Variants in ATP11B observed in about 807,000 individuals in gnomAD.
ATP11B encodes ATPase phospholipid transporting 11B (putative), also known as phospholipid-transporting ATPase IF.
A neutral mutation model predicts 157.8 loss-of-function variants in ATP11B; 81 were observed. The observed-to-expected ratio is 0.51, with a 90% CI of 0.43 to 0.62. The LOEUF is 0.62. ATP11B is among the 20% of genes least tolerant of loss of function. The pLI is 0.00. For missense variants in ATP11B, 1,165 were observed against 1,402.2 expected, an observed-to-expected ratio of 0.83 and a Z score of 2.70; for synonymous variants, 451 against 469.4, an observed-to-expected ratio of 0.96 and a Z score of 0.51.
chr3:182,905,101 T>C (rs1311022756), intron 28 of ATP11B, among the ~76,000 whole-genome samples: 2 of 152,160 alleles, frequency 1.3e-5, no homozygotes, highest in African/African-American at 4.8e-5. Flanking sequence ...GCATTGCATC[T>C]TTCATAGAAA....
At chr3:182,844,531 A>G (rs1719313954) in intron 8 of ATP11B, 2 of 981,604 alleles carry the variant, frequency 2.0e-6, no homozygotes, top group South Asian at 4.7e-5. Context: ...TTGTCGTTTT[A>G]TATCTCCTTT....
At chr3:182,813,246 C>T (rs1267380549) in intron 1 of ATP11B, among the ~76,000 whole-genome samples, 1 of 152,142 alleles carries the variant, frequency 6.6e-6, no homozygotes, top group Non-Finnish European at 1.5e-5. Context: ...AGTAGAATTG[C>T]TGGATCTTAT....
chr3:182,836,136 C>T lies in ATP11B; in HGVS notation c.417C>T (p.Asn139=). The T allele has an allele frequency of 2.5e-6, 4 of 1,612,168 alleles. No homozygotes were observed. Among genetic ancestry groups the T allele is most frequent in the Non-Finnish European group, 3.4e-6 (4 of 1,178,792 alleles). Reference sequence around the variant, plus strand: ...GCCTTGTAAAAACTAGATCAAAAAACATTCGGGTATGCATCTGGTAAATAA... The same window carrying T: ...GCCTTGTAAAAACTAGATCAAAAAATATTCGGGTATGCATCTGGTAAATAA... The part of the protein sequence containing the change: ...SGGLVKTRSK[N]IRVGDIVRIA... The change falls in exon 5 of 30, where the codon AAC becomes AAT. Residue 139 remains asparagine (N), a synonymous_variant. Transcript: ENST00000323116.
rs1725295928 is a variant in ATP11B, at chr3:182,918,855, G to A, written c.*751G>A. The A allele has an allele frequency of 6.5e-6, 1 of 152,714 alleles. No homozygotes were observed. Among genetic ancestry groups the A allele is most frequent in the Non-Finnish European group, 1.5e-5 (1 of 68,452 alleles). The allele number at this position is 152,714 out of a possible 1,614,324, so 9.5% of individuals were successfully genotyped here. A position where few individuals can be genotyped will look rare whatever the true frequency, so the allele number is the denominator to read the frequency against. ...GATGTTTACTAATATTTTTGTGACA[G>A]AGTATAAAGACCCTATAGTGGGTAA... On this transcript the variant is annotated 3_prime_UTR_variant, in exon 30 of 30. Coordinates refer to ENST00000323116, the MANE Select transcript of ATP11B (RefSeq NM_014616.3).
chr3:182,838,146 A>G (rs1047159947), intron 7 of ATP11B, among the ~76,000 whole-genome samples: 1 of 152,010 alleles, frequency 6.6e-6, no homozygotes, highest in Non-Finnish European at 1.5e-5. Context: ...ATGTGATGTT[A>G]TAAAAATTGT....
intron 19 of ATP11B, among the ~76,000 whole-genome samples, chr3:182,875,739 C>G (rs1051843720): frequency 2.6e-5 from 4 of 152,146 alleles, no homozygotes; most frequent in African/African-American, 9.7e-5. Flanking sequence ...CCGCACCCGG[C>G]CCATATAGGG....
intron 19 of ATP11B, 66 bp from the exon 20 acceptor site, chr3:182,879,430 C>CTA (rs1043354716): frequency 1.9e-5 from 26 of 1,378,854 alleles, no homozygotes; most frequent in Non-Finnish European, 2.3e-5. Flanking sequence ...ATGTGTTGTT[C>CTA]TATATGAGTG....
intron 1 of ATP11B, among the ~76,000 whole-genome samples, chr3:182,816,516 A>G (rs1269959781): frequency 6.6e-6 from 1 of 152,240 alleles, no homozygotes; most frequent in African/African-American, 2.4e-5. Flanking sequence ...TACTAGAAAT[A>G]GTGTGAAACT....
At chr3:182,801,257 C>T (rs1324651569) in intron 1 of ATP11B, among the ~76,000 whole-genome samples, 1 of 152,188 alleles carries the variant, frequency 6.6e-6, no homozygotes, top group Non-Finnish European at 1.5e-5. Flanking sequence ...CTGTGTCTGT[C>T]TCCACATTTT....
intron 1 of ATP11B, among the ~76,000 whole-genome samples, chr3:182,814,544 A>C (rs1348338493): frequency 1.3e-5 from 2 of 152,210 alleles, no homozygotes; most frequent in African/African-American, 4.8e-5. Flanking sequence ...ACAGTGGCTC[A>C]CAGCTGTAAT....
At chr3:182,840,739 C>T in intron 7 of ATP11B, among the ~76,000 whole-genome samples, 1 of 152,138 alleles carries the variant, frequency 6.6e-6, no homozygotes, top group East Asian at 1.9e-4. Flanking sequence ...CCCATCAGAA[C>T]ATTCTGAAGG....
At chr3:182,845,821 A>T (rs1719473254) in intron 9 of ATP11B, among the ~76,000 whole-genome samples, 1 of 152,234 alleles carries the variant, frequency 6.6e-6, no homozygotes, top group South Asian at 2.1e-4. Flanking sequence ...GAGAACCAAT[A>T]TAATATGGTA....
chr3:182,815,453 G>A (rs756938570), intron 1 of ATP11B, among the ~76,000 whole-genome samples: 10 of 152,230 alleles, frequency 6.6e-5, no homozygotes, highest in East Asian at 1.9e-4. Context: ...AGTAAAAGAC[G>A]TTAAATAATT....
intron 19 of ATP11B, among the ~76,000 whole-genome samples, chr3:182,877,325 A>G (rs1722114116): frequency 6.6e-6 from 1 of 152,138 alleles, no homozygotes; most frequent in Non-Finnish European, 1.5e-5. Context: ...TGACACTAAG[A>G]AGCAAACGGG....
Position 182,885,961 on chromosome 3 carries a change from T to A in ATP11B, c.2666T>A (p.Phe889Tyr), listed in dbSNP as rs1722768835. The change falls in exon 23 of 30, where the codon TTT (phenylalanine) becomes TAT (tyrosine). Residue 889 changes from phenylalanine (F) to tyrosine (Y), a missense_variant. Physicochemically the swap from Phe to Tyr is conservative, Grantham distance 22. Around this residue, in one of 4 missense-constraint regions of ATP11B, gnomAD observed 737 missense variants for 930.5 expected, o/e 0.79. Coordinates refer to ENST00000323116, the MANE Select transcript of ATP11B (RefSeq NM_014616.3). ...VQYFFYKNVC[F>Y]ITPQFLYQFY... ...AATCTTGTTTTTCAGAATGTGTGCT[T>A]TATCACACCCCAGTTTTTATATCAG... 2 of 1,503,526 alleles carry A rather than the reference T, an allele frequency of 1.3e-6. No individual in the cohort carries two copies. The highest frequency in any genetic ancestry group is 2.7e-5 in the Admixed American group (1 of 37,500). The allele number at this position is 1,503,526 out of a possible 1,614,324, so 93.1% of individuals were successfully genotyped here.
In ATP11B at chr3:182,820,393, T is replaced by C; in HGVS notation, c.144+17T>C. The C allele has an allele frequency of 6.5e-7, 1 of 1,541,668 alleles. No homozygotes were observed. The highest frequency in any genetic ancestry group is 9.0e-7 in the Non-Finnish European group (1 of 1,114,122). On this transcript the variant is annotated intron_variant, in intron 2 of 29. Transcript: ENST00000323116. ...TCATCTAAGGTAAGAATTAAAATTT[T>C]TATTGTTAGGCCAGGTGCAGTGGCT...
At position 182,793,913 on chromosome 3, in the gene ATP11B, C is replaced by T. The variant is rs1235108378; in HGVS notation, c.27+127C>T. On this transcript the variant is annotated intron_variant, in intron 1 of 29. Coordinates refer to ENST00000323116, the MANE Select transcript of ATP11B (RefSeq NM_014616.3). ...GCGTGGGCGCCCGGCTAGGCCGCAGCGGAGACGGGCGCGGGGCCCAGAGCC... is the reference window on the plus strand; with the variant it reads ...GCGTGGGCGCCCGGCTAGGCCGCAGTGGAGACGGGCGCGGGGCCCAGAGCC... The T allele has an allele frequency of 1.2e-5, 6 of 491,398 alleles. No individual in the cohort carries two copies. In the East Asian group the frequency reaches 1.8e-4, roughly 15 times the overall value. 30.4% of individuals were successfully genotyped at this position (491,398 alleles called of 1,614,324 possible). A position where few individuals can be genotyped will look rare whatever the true frequency, so the allele number is the denominator to read the frequency against.
intron 25 of ATP11B, among the ~76,000 whole-genome samples, chr3:182,893,743 T>A (rs1024036429): frequency 1.3e-5 from 2 of 152,204 alleles, no homozygotes; most frequent in Non-Finnish European, 2.9e-5. Flanking sequence ...TAGTCCTACT[T>A]TCAGTTCTTT....
chr3:182,807,408 T>C (rs1372166955), intron 1 of ATP11B, among the ~76,000 whole-genome samples: 1 of 152,232 alleles, frequency 6.6e-6, no homozygotes, highest in Non-Finnish European at 1.5e-5. Flanking sequence ...AAATATATTT[T>C]ATTAGTTAGG....
Sources: allele counts gnomAD v4.1 joint callset (sites outside exome capture counted in the v4.1 genomes callset), GRCh38; gene constraint gnomAD v4.1.1; regional missense constraint gnomAD v4.1.1; transcripts MANE v1.5; gene names NCBI Gene and HGNC (gene_info 2026-07-23, HGNC 2026-07-21).